DOCK9: variants seen among roughly 807,000 people sequenced by gnomAD.
DOCK9 encodes the protein dedicator of cytokinesis 9.
A neutral mutation model predicts 263.3 loss-of-function variants in DOCK9; 89 were observed. That is an observed-to-expected ratio of 0.34 (90% CI 0.28 to 0.40). DOCK9 has a LOEUF of 0.40. DOCK9 is among the 10% of genes least tolerant of loss of function. DOCK9 has a pLI of 1.00. For synonymous variants in DOCK9, 976 were observed against 973.1 expected, an observed-to-expected ratio of 1.00 and a Z score of -0.06; for missense variants, 2,140 against 2,603.4, an observed-to-expected ratio of 0.82 and a Z score of 3.87.
intron 27 of DOCK9, among the ~76,000 whole-genome samples, chr13:98,870,446 C>T (rs1440144437): frequency 2.6e-5 from 4 of 152,212 alleles, no homozygotes; most frequent in South Asian, 4.2e-4. Context: ...TTTCCAAGAC[C>T]GCAGGCAAGG....
At chr13:98,865,357 C>T (rs1159608019) in intron 30 of DOCK9, among the ~76,000 whole-genome samples, 1 of 152,198 alleles carries the variant, frequency 6.6e-6, no homozygotes, top group Non-Finnish European at 1.5e-5. Context: ...TAAGTGCGAG[C>T]CACTGCACTG....
Position 99,049,788 on chromosome 13 carries a change from G to A in DOCK9, c.129+36435C>T, listed in dbSNP as rs1434605941. Among the ~76,000 whole-genome samples, 5 of 152,318 alleles carry A rather than the reference G, an allele frequency of 3.3e-5. No homozygotes were observed. In the East Asian group the frequency reaches 9.6e-4, roughly 29 times the overall value. Reference sequence around the variant, plus strand: ...CCACCTCAGTCTCCTAAAGTGTTGGGATTACAGGAATGAGCAACCACACCC... The same window carrying A: ...CCACCTCAGTCTCCTAAAGTGTTGGAATTACAGGAATGAGCAACCACACCC... On this transcript the variant is annotated intron_variant, in intron 1 of 32. Transcript: ENST00000427887.
chr13:98,970,458 G>A (rs2059627358), intron 1 of DOCK9, among the ~76,000 whole-genome samples: 1 of 152,234 alleles, frequency 6.6e-6, no homozygotes, highest in Non-Finnish European at 1.5e-5. Context: ...ATGCAATGCA[G>A]TCCTGGCTTA....
intron 11 of DOCK9, 112 bp downstream of exon 11, chr13:98,902,860 C>A (rs556848543): frequency 1.1e-5 from 12 of 1,044,054 alleles, no homozygotes; most frequent in African/African-American, 9.6e-5. Flanking sequence ...CCAAACACTG[C>A]ACCTCTTTGA....
intron 10 of DOCK9, 63 bp downstream of exon 10, chr13:98,904,569 G>T: frequency 1.7e-6 from 2 of 1,184,646 alleles, no homozygotes; most frequent in South Asian, 1.4e-5. Flanking sequence ...AAACAAATAA[G>T]CCCATCGATG....
intron 1 of DOCK9, among the ~76,000 whole-genome samples, chr13:99,041,077 C>T (rs1230040946): frequency 6.6e-6 from 1 of 152,086 alleles, no homozygotes; most frequent in Non-Finnish European, 1.5e-5. Flanking sequence ...GGCCAGAGCA[C>T]CTATGAAAGG....
chr13:98,950,224 G>T, intron 2 of DOCK9: 1 of 1,053,750 alleles, frequency 9.5e-7, no homozygotes, highest in Non-Finnish European at 1.4e-6. Flanking sequence ...CAAGGCATGA[G>T]GTTTCACTTC....
At chr13:98,858,005 G>A (rs2093749672) in intron 33 of DOCK9, 1 of 152,114 alleles carries the variant, frequency 6.6e-6, no homozygotes, top group African/African-American at 2.4e-5. Flanking sequence ...CAGAACTCAA[G>A]AGAAAGAGGT....
intron 1 of DOCK9, among the ~76,000 whole-genome samples, chr13:98,985,759 G>C (rs750425399): frequency 6.6e-6 from 1 of 152,130 alleles, no homozygotes; most frequent in Non-Finnish European, 1.5e-5. Context: ...ATCTTGTTTC[G>C]CGTGATCTGT....
intron 45 of DOCK9, among the ~76,000 whole-genome samples, chr13:98,817,451 C>CTTTTTTTTTTTTTTTTTTTTTTT (rs10683281): frequency 2.0e-5 from 2 of 97,632 alleles, no homozygotes; most frequent in African/African-American, 9.9e-5. Flanking sequence ...ATACACCCAG[C>CTTTTTTTTTTTTTTTTTTTTTTT]TTTTTTTTTT....
At chr13:98,814,563 G>A (rs554438952) in intron 45 of DOCK9, among the ~76,000 whole-genome samples, 3 of 152,084 alleles carry the variant, frequency 2.0e-5, no homozygotes, top group South Asian at 2.1e-4. Context: ...GTGCCACCAC[G>A]CCCAGCTAAT....
intron 32 of DOCK9, among the ~76,000 whole-genome samples, chr13:98,861,169 A>T (rs2093857624): frequency 6.6e-6 from 1 of 152,214 alleles, no homozygotes; most frequent in African/African-American, 2.4e-5. Flanking sequence ...ACAGGGTGAG[A>T]TAAGCGAGGT....
intron 2 of DOCK9, among the ~76,000 whole-genome samples, chr13:98,942,221 T>G (rs558215241): frequency 3.5e-5 from 4 of 115,752 alleles, no homozygotes; most frequent in Non-Finnish European, 5.1e-5. Context: ...TCTGGTTATG[T>G]TTTTTTTTTT....
chr13:99,031,833 A>T (rs1887377056), intron 1 of DOCK9, among the ~76,000 whole-genome samples: 1 of 152,198 alleles, frequency 6.6e-6, no homozygotes. Context: ...CCTGATGAGA[A>T]CCAGAGTAAA....
rs775660552 is a variant in DOCK9, at chr13:98,897,526, G to A, written c.1671C>T (p.Ser557=). 6 of 1,613,872 alleles carry A rather than the reference G, an allele frequency of 3.7e-6. No individual in the cohort carries two copies. Among genetic ancestry groups the A allele is most frequent in the Non-Finnish European group, 5.1e-6 (6 of 1,179,846 alleles). ...AIYRQDSNKL[S]NDDMLKLLAD... ...CAAGTAACTTGAGCATGTCATCATT[G>A]GATAGCTTATTGCTGTCTTGCCTGT... Residue 557 remains serine, a synonymous_variant, in exon 15 of 53, where the codon TCC becomes TCT. Transcript: ENST00000682017.
chr13:99,014,855 C>T (rs1314238460), intron 1 of DOCK9, among the ~76,000 whole-genome samples: 1 of 152,192 alleles, frequency 6.6e-6, no homozygotes, highest in Non-Finnish European at 1.5e-5. Flanking sequence ...GGACAGAACA[C>T]GGAAGTGTCA....
chr13:99,061,932 C>T (rs892803690), intron 1 of DOCK9, among the ~76,000 whole-genome samples: 4 of 151,776 alleles, frequency 2.6e-5, no homozygotes, highest in South Asian at 2.1e-4. Context: ...AGTACAATGG[C>T]GCCATCACAG....
At chr13:98,921,969 G>A (rs528583014) in intron 6 of DOCK9, 82 bp downstream of exon 6, 65 of 1,147,318 alleles carry the variant, frequency 5.7e-5, no homozygotes, top group African/African-American at 1.4e-4. Context: ...AACAGCATGC[G>A]CATTCATCTT....
chr13:98,921,913 C>T, intron 6 of DOCK9, 138 bp downstream of exon 6: 1 of 752,564 alleles, frequency 1.3e-6, no homozygotes. Flanking sequence ...GTGCTATCAC[C>T]AGGGGAGCAT....
Sources: gnomAD v4.1 joint callset for allele counts (sites outside exome capture counted in the v4.1 genomes callset) on GRCh38, gnomAD v4.1.1 for gene constraint, MANE v1.5 for transcripts, NCBI Gene and HGNC (gene_info 2026-07-23, HGNC 2026-07-21) for gene names.